Variants in WDPCP observed in about 807,000 individuals in gnomAD.
WDPCP encodes WD repeat-containing and planar cell polarity effector protein fritz homolog.
In WDPCP, 71 loss-of-function variants were observed where a neutral mutation model predicts 93.1. The ratio of observed to expected loss-of-function variants is 0.76; its 90% confidence interval spans 0.63 to 0.93. The LOEUF (loss-of-function observed/expected upper bound fraction) is 0.93, where lower values mean the gene tolerates loss of function less well. WDPCP is among the 40% of genes least tolerant of loss of function. The probability of loss-of-function intolerance (pLI) is 0.00; values close to 1 mark genes in which losing one functional copy is unlikely to be tolerated. For synonymous variants in WDPCP, 315 were observed against 315.0 expected (o/e 1.00, Z 0.00); for missense variants, 844 against 887.4 (o/e 0.95, Z 0.62).
chr2:63,512,451 T>C lies in WDPCP; in HGVS notation c.76-19511A>G, dbSNP rs553032174. On this transcript the variant is annotated intron_variant, in intron 1 of 17. Transcript: ENST00000272321. ...AAAGACATATGCACATCTATGTTTA[T>C]TGCAGCACTATTCACAATAACAAAG... is the stretch of plus-strand genomic sequence containing the variant. 9.2e-5 allele frequency among the ~76,000 whole-genome samples: 14 copies of C among 152,346 alleles called. 1 individual carries two copies. Among genetic ancestry groups the C allele is most frequent in the South Asian group, 6.2e-4 (3 of 4,832 alleles).
chr2:63,573,015 G>C (rs1312751481), intron 1 of WDPCP, among the ~76,000 whole-genome samples: 1 of 152,066 alleles, frequency 6.6e-6, no homozygotes, highest in Non-Finnish European at 1.5e-5. Flanking sequence ...TGGAGGCCAA[G>C]GCAGGAGGAC....
rs530280184 is a variant in WDPCP at position 63,545,145 on chromosome 2, G to A, written c.75+43052C>T. On this transcript the variant is annotated intron_variant, in intron 1 of 17. Coordinates refer to ENST00000272321, the MANE Select transcript of WDPCP (RefSeq NM_015910.7). ...CCTATTCCTTTTCTAGCAGCAGGGTGCCACGGCCATGGATTACAGAATTCC... is the reference window on the plus strand; with the variant it reads ...CCTATTCCTTTTCTAGCAGCAGGGTACCACGGCCATGGATTACAGAATTCC... Among the ~76,000 whole-genome samples, 5 of 152,198 alleles carry A rather than the reference G, an allele frequency of 3.3e-5. 1 individual carries two copies. Among genetic ancestry groups the A allele is most frequent in the East Asian group, 3.9e-4 (2 of 5,174 alleles).
chr2:63,549,433 T>C (rs921321231), intron 1 of WDPCP, among the ~76,000 whole-genome samples: 11 of 151,742 alleles, frequency 7.2e-5, no homozygotes, highest in Non-Finnish European at 1.6e-4. Context: ...TAATGGAAAC[T>C]AGAAAAAAAA....
intron 13 of WDPCP, among the ~76,000 whole-genome samples, chr2:63,278,784 C>G (rs1683278778): frequency 6.6e-6 from 1 of 152,156 alleles, no homozygotes; most frequent in Non-Finnish European, 1.5e-5. Flanking sequence ...CAAGATCATG[C>G]CACTGCACTC....
At chr2:63,330,005 G>C (rs1355981805) in intron 12 of WDPCP, among the ~76,000 whole-genome samples, 1 of 152,152 alleles carries the variant, frequency 6.6e-6, no homozygotes, top group African/African-American at 2.4e-5. Flanking sequence ...GGGAAAATTA[G>C]GTTGTTTCCG....
At chr2:63,699,395 C>T (rs529959384) in intron 2 of WDPCP, among the ~76,000 whole-genome samples, 1 of 152,226 alleles carries the variant, frequency 6.6e-6, no homozygotes, top group South Asian at 2.1e-4. Flanking sequence ...TTTGCAGGAC[C>T]GAATCTGGAT....
chr2:63,603,185 C>T (rs1575725902), intron 3 of WDPCP, among the ~76,000 whole-genome samples: 1 of 152,036 alleles, frequency 6.6e-6, no homozygotes, highest in South Asian at 2.1e-4. Context: ...GTCTCCATCT[C>T]GACCTCCTGA....
chr2:63,527,379 C>G (rs1299533836), intron 1 of WDPCP, among the ~76,000 whole-genome samples: 2 of 120,328 alleles, frequency 1.7e-5, no homozygotes, highest in Non-Finnish European at 3.3e-5. Context: ...CCACCCCCAA[C>G]CAACGACAGG....
intron 1 of WDPCP, among the ~76,000 whole-genome samples, chr2:63,575,281 T>C (rs1707839896): frequency 6.7e-6 from 1 of 149,024 alleles, no homozygotes; most frequent in African/African-American, 2.4e-5. Context: ...ACATATTATA[T>C]ACACATATAT....
At chr2:63,329,529 A>C (rs899114109) in intron 12 of WDPCP, among the ~76,000 whole-genome samples, 1 of 152,162 alleles carries the variant, frequency 6.6e-6, no homozygotes, top group African/African-American at 2.4e-5. Context: ...GAGATTGACT[A>C]ATCCTCACAG....
chr2:63,840,658 T>A, the WDPCP span, among the ~76,000 whole-genome samples: 1 of 152,208 alleles, frequency 6.6e-6, no homozygotes, highest in Non-Finnish European at 1.5e-5. Flanking sequence ...TCCGGCTCTA[T>A]CCGCAGGGCT....
intron 14 of WDPCP, among the ~76,000 whole-genome samples, chr2:63,224,209 C>T (rs1441182481): frequency 3.9e-5 from 6 of 152,018 alleles, no homozygotes; most frequent in African/African-American, 1.2e-4. Flanking sequence ...TATGACTACA[C>T]ACCTATTGGG....
intron 17 of WDPCP, among the ~76,000 whole-genome samples, chr2:63,148,928 T>A (rs1214860519): frequency 6.6e-6 from 1 of 151,222 alleles, no homozygotes; most frequent in Admixed American, 6.6e-5. Context: ...ATGTGAAAGG[T>A]AAAAACTTTA....
At chr2:63,788,180 G>A (rs911111758) in intron 2 of WDPCP, among the ~76,000 whole-genome samples, 9 of 152,134 alleles carry the variant, frequency 5.9e-5, no homozygotes, top group African/African-American at 1.4e-4. Flanking sequence ...TAGCTAGAAT[G>A]ACTACACAGC....
At chr2:63,219,098 TCTTTA>T (rs1420806439) in intron 14 of WDPCP, among the ~76,000 whole-genome samples, 1 of 152,212 alleles carries the variant, frequency 6.6e-6, no homozygotes, top group South Asian at 2.1e-4. Context: ...TTTGCAATGC[TCTTTA>T]CTATTAGGGT....
At chr2:63,382,517 T>A (rs978165187) in intron 10 of WDPCP, among the ~76,000 whole-genome samples, 1 of 152,154 alleles carries the variant, frequency 6.6e-6, no homozygotes, top group Non-Finnish European at 1.5e-5. Flanking sequence ...ACAAAATCTT[T>A]TTTTCTTCAA....
At chr2:63,297,192 G>A (rs549014549) in intron 13 of WDPCP, among the ~76,000 whole-genome samples, 11 of 152,224 alleles carry the variant, frequency 7.2e-5, no homozygotes, top group East Asian at 1.9e-4. Context: ...AACTGTTACC[G>A]CTTGTAAAAA....
intron 1 of WDPCP, 79 bp downstream of exon 1, chr2:63,588,118 G>A: frequency 1.3e-6 from 2 of 1,507,220 alleles, no homozygotes; most frequent in East Asian, 4.9e-5. Context: ...GCGGATAAAA[G>A]CAAAGCGGGA....
chr2:63,527,645 G>A (rs1271174977), intron 1 of WDPCP, among the ~76,000 whole-genome samples: 3 of 151,986 alleles, frequency 2.0e-5, no homozygotes, highest in Non-Finnish European at 4.4e-5. Flanking sequence ...TTGGTTCCAA[G>A]TCTTCACTAT....
Sources: gnomAD v4.1 joint callset for allele counts (sites outside exome capture counted in the v4.1 genomes callset) on GRCh38, gnomAD v4.1.1 for gene constraint, MANE v1.5 for transcripts, NCBI Gene and HGNC (gene_info 2026-07-23, HGNC 2026-07-21) for gene names.